The following CAPRIN1 variants were observed in gnomAD, a reference collection of about 807,000 sequenced individuals.
The protein encoded by CAPRIN1 is caprin-1.
A neutral mutation model predicts 100.9 loss-of-function variants in CAPRIN1; 29 were observed. The observed-to-expected ratio is 0.29, with a 90% CI of 0.21 to 0.39. The LOEUF is 0.39. Ranked by LOEUF, CAPRIN1 falls within the 10% of genes least tolerant of loss-of-function variation. The probability of loss-of-function intolerance (pLI) is 1.00; values close to 1 mark genes in which losing one functional copy is unlikely to be tolerated. For synonymous variants in CAPRIN1, 338 were observed against 307.5 expected (o/e 1.10, Z -1.04); for missense variants, 795 against 876.7 (o/e 0.91, Z 1.18).
intron 2 of CAPRIN1, among the ~76,000 whole-genome samples, chr11:34,065,042 C>T (rs1850661322): frequency 6.9e-6 from 1 of 144,348 alleles, no homozygotes; most frequent in Non-Finnish European, 1.5e-5. Flanking sequence ...TCACTGCAAG[C>T]TCCACCTCCC....
intron 2 of CAPRIN1, among the ~76,000 whole-genome samples, chr11:34,059,200 A>G (rs1276958442): frequency 6.6e-6 from 1 of 152,032 alleles, no homozygotes; most frequent in Non-Finnish European, 1.5e-5. Flanking sequence ...CTTCTTGACC[A>G]TGCTCAGCTA....
At chr11:34,053,222 G>A (rs1850369038) in intron 2 of CAPRIN1, 1 of 916,842 alleles carries the variant, frequency 1.1e-6, no homozygotes, top group Non-Finnish European at 1.3e-6. Context: ...TTTTGAATGG[G>A]TCTTCGATTT....
chr11:34,074,205 T>C (rs1013338213), intron 4 of CAPRIN1, among the ~76,000 whole-genome samples: 7 of 152,228 alleles, frequency 4.6e-5, no homozygotes, highest in African/African-American at 1.7e-4. Flanking sequence ...CTTGCTTTTT[T>C]AAAATAGAAG....
intron 2 of CAPRIN1, among the ~76,000 whole-genome samples, chr11:34,069,660 T>A (rs557151120): frequency 9.6e-4 from 118 of 122,550 alleles, no homozygotes; most frequent in Admixed American, 1.8e-3. Flanking sequence ...TAAAAAAAAA[T>A]TTTTTTCCCT....
rs1455167720 is a variant in CAPRIN1, at chr11:34,099,648, T to C, written c.*281T>C. ...CTTGCTTAGGAGTAAAACAATATAC[T>C]TTACAGGGTGATAATAATCTCCATA... On this transcript the variant is annotated 3_prime_UTR_variant, in exon 19 of 19. Coordinates refer to ENST00000341394, the MANE Select transcript of CAPRIN1 (RefSeq NM_005898.5). 2.7e-6 allele frequency: 1 copy of C among 374,698 alleles called. No individual in the cohort carries two copies. The highest frequency in any genetic ancestry group is 2.1e-5 in the African/African-American group (1 of 48,450). 23.2% of individuals were successfully genotyped at this position (374,698 alleles called of 1,614,324 possible).
intron 2 of CAPRIN1, chr11:34,063,012 A>C (rs1284898408): frequency 6.6e-6 from 1 of 151,908 alleles, no homozygotes; most frequent in Non-Finnish European, 1.5e-5. Context: ...TTTCTTCTTA[A>C]ATTTTTTATT....
chr11:34,099,150 C>G (rs932372030), intron 18 of CAPRIN1, 153 bp from the exon 19 acceptor site: 1 of 1,454,336 alleles, frequency 6.9e-7, no homozygotes, highest in Non-Finnish European at 9.1e-7. Context: ...ACTTCCAGGA[C>G]AGGGGAAACT....
At chr11:34,052,825 G>C in intron 2 of CAPRIN1, 189 bp downstream of exon 2, 1 of 1,449,010 alleles carries the variant, frequency 6.9e-7, no homozygotes, top group Non-Finnish European at 9.0e-7. Context: ...ACGGGCTCTT[G>C]GAAGAGGCAC....
Position 34,080,235 on chromosome 11 carries a change from T to C in CAPRIN1, c.826+470T>C, listed in dbSNP as rs1351136609. ...ACTGCGCCCGGCCTTGACAAAATGT[T>C]AAGACAGATTATCAAGAGTAATTCC... On this transcript the variant is annotated intron_variant, in intron 7 of 18. Transcript: ENST00000341394. 4.6e-5 allele frequency among the ~76,000 whole-genome samples: 7 copies of C among 152,228 alleles called. No individual in the cohort carries two copies. In the East Asian group the frequency reaches 1.3e-3, roughly 29 times the overall value.
chr11:34,054,603 A>G (rs892295881), intron 2 of CAPRIN1, among the ~76,000 whole-genome samples: 3 of 151,896 alleles, frequency 2.0e-5, no homozygotes, highest in African/African-American at 7.3e-5. Flanking sequence ...AATTTTTTGT[A>G]TTTTTAGTAG....
rs1198890837 is a variant in CAPRIN1, at chr11:34,096,532, C to T, written c.1759C>T (p.His587Tyr). The change falls in exon 16 of 19, where the codon CAC becomes TAC. Residue 587 changes from histidine (H) to tyrosine (Y), a missense_variant. Around this residue, in one of 3 missense-constraint regions of CAPRIN1, gnomAD observed 648 missense variants for 697.9 expected, o/e 0.93. Transcript: ENST00000341394. ...CCAGTCCCATCAAGTGACTGGTAAC[C>T]ACCAGCAGCCTCCTCAGCAGAACAC... is the stretch of plus-strand genomic sequence containing the variant. ...PDQSHQVTGN[H>Y]QQPPQQNTGF... 6.2e-7 allele frequency: 1 copy of T among 1,614,018 alleles called. No individual in the cohort carries two copies. The highest frequency in any genetic ancestry group is 8.5e-7 in the Non-Finnish European group (1 of 1,179,960).
rs143056207 is a variant in CAPRIN1 at position 34,061,515 on chromosome 11, G to A, written c.216+8879G>A. 6.0e-3 allele frequency among the ~76,000 whole-genome samples: 919 copies of A among 152,054 alleles called. 12 individuals are homozygous for A. The highest frequency in any genetic ancestry group is 0.021 in the African/African-American group (867 of 41,492). On this transcript the variant is annotated intron_variant, in intron 2 of 18. Transcript: ENST00000341394. Reference sequence around the variant, plus strand: ...GAGCCACTGCACCTGGCCTAGGTTAGCATTCTTATGCCATTCTTAGCGTTC... The same window carrying A: ...GAGCCACTGCACCTGGCCTAGGTTAACATTCTTATGCCATTCTTAGCGTTC...
intron 11 of CAPRIN1, among the ~76,000 whole-genome samples, chr11:34,087,531 C>T (rs1355955827): frequency 2.4e-5 from 3 of 125,554 alleles, no homozygotes; most frequent in Non-Finnish European, 5.2e-5. Context: ...GACGGGGTTT[C>T]ACTGTTTTAG....
intron 18 of CAPRIN1, 21 bp downstream of exon 18, chr11:34,097,782 T>A (rs768280433): frequency 1.2e-6 from 2 of 1,613,888 alleles, no homozygotes; most frequent in Admixed American, 3.3e-5. Context: ...GTGGTGGTGA[T>A]CCTAGCTCCT....
intron 11 of CAPRIN1, among the ~76,000 whole-genome samples, chr11:34,087,099 A>G (rs1050876627): frequency 6.6e-6 from 1 of 152,196 alleles, no homozygotes; most frequent in African/African-American, 2.4e-5. Context: ...CCATTGGGTT[A>G]AGTGGACCTT....
intron 2 of CAPRIN1, among the ~76,000 whole-genome samples, chr11:34,054,338 A>G (rs1264244567): frequency 6.6e-6 from 1 of 152,232 alleles, no homozygotes; most frequent in African/African-American, 2.4e-5. Flanking sequence ...TAAGGTAGCT[A>G]CATTCAAATG....
intron 9 of CAPRIN1, among the ~76,000 whole-genome samples, chr11:34,084,344 C>T (rs1233771358): frequency 6.6e-6 from 1 of 152,028 alleles, no homozygotes; most frequent in Non-Finnish European, 1.5e-5. Context: ...GGCACTTACC[C>T]CAGAAAGGTA....
intron 15 of CAPRIN1, among the ~76,000 whole-genome samples, chr11:34,093,237 C>T (rs1389004209): frequency 2.0e-5 from 3 of 150,950 alleles, no homozygotes; most frequent in African/African-American, 7.3e-5. Flanking sequence ...TGTCTGTTGC[C>T]CAGGTTGGAG....
chr11:34,099,382 TTA>T lies in CAPRIN1; in HGVS notation c.*17_*18del, dbSNP rs1159136176. The T allele has an allele frequency of 6.2e-7, 1 of 1,606,086 alleles. No homozygotes were observed. Among genetic ancestry groups the T allele is most frequent in the African/African-American group, 1.3e-5 (1 of 74,744 alleles). Reference sequence around the variant, plus strand: ...AAGTGAATTAATCTGATTCACAGGATTATGTTTAATCGCCAAAAACACACTGG... The same window carrying T: ...AAGTGAATTAATCTGATTCACAGGATTGTTTAATCGCCAAAAACACACTGG... On this transcript the variant is annotated 3_prime_UTR_variant, in exon 19 of 19. Transcript: ENST00000341394.
Sources: allele counts gnomAD v4.1 joint callset (sites outside exome capture counted in the v4.1 genomes callset), GRCh38; gene constraint gnomAD v4.1.1; regional missense constraint gnomAD v4.1.1; transcripts MANE v1.5; gene names NCBI Gene and HGNC (gene_info 2026-07-23, HGNC 2026-07-21).